GPR158: variants seen among roughly 807,000 people sequenced by gnomAD.
GPR158 encodes metabotropic glycine receptor.
In GPR158, 30 loss-of-function variants were observed where a neutral mutation model predicts 78.2. That is an observed-to-expected ratio of 0.38 (90% CI 0.29 to 0.52). The LOEUF (loss-of-function observed/expected upper bound fraction) is 0.52, where lower values mean the gene tolerates loss of function less well. GPR158 is among the 20% of genes least tolerant of loss of function. The pLI is 0.83. For synonymous variants in GPR158, 581 were observed against 591.1 expected (o/e 0.98, Z 0.25); for missense variants, 1,463 against 1,523.5 (o/e 0.96, Z 0.66).
At chr10:25,465,187 A>AT (rs1835405164) in intron 4 of GPR158, among the ~76,000 whole-genome samples, 1 of 152,144 alleles carries the variant, frequency 6.6e-6, no homozygotes. Context: ...GGCCTTTCAG[A>AT]ATTTTTTTAT....
intron 4 of GPR158, among the ~76,000 whole-genome samples, chr10:25,423,745 T>A (rs972046987): frequency 6.6e-6 from 1 of 152,198 alleles, no homozygotes. Flanking sequence ...TAGTATTCCA[T>A]GGTGTATATG....
chr10:25,587,767 A>G (rs16926158), intron 7 of GPR158, among the ~76,000 whole-genome samples: 9,807 of 152,178 alleles, frequency 0.064, 454 homozygotes, highest in African/African-American at 0.14. Context: ...GTAGCTCCTG[A>G]GACATTTGTT....
At chr10:25,288,529 T>A (rs904971676) in intron 2 of GPR158, among the ~76,000 whole-genome samples, 1 of 152,224 alleles carries the variant, frequency 6.6e-6, no homozygotes, top group Non-Finnish European at 1.5e-5. Context: ...GATTCATTTT[T>A]AAAAAATTTC....
chr10:25,253,248 A>G, intron 2 of GPR158, among the ~76,000 whole-genome samples: 1 of 152,160 alleles, frequency 6.6e-6, no homozygotes, highest in Non-Finnish European at 1.5e-5. Context: ...GGTACCTCAG[A>G]TGGAAATGCA....
At chr10:25,426,576 A>G (rs1017247856) in intron 4 of GPR158, among the ~76,000 whole-genome samples, 2 of 152,040 alleles carry the variant, frequency 1.3e-5, no homozygotes, top group African/African-American at 4.8e-5. Context: ...GGATGGGGAG[A>G]GGTACAGGAG....
chr10:25,444,712 T>C (rs1348961565), intron 4 of GPR158, among the ~76,000 whole-genome samples: 1 of 152,042 alleles, frequency 6.6e-6, no homozygotes, highest in African/African-American at 2.4e-5. Flanking sequence ...CAGTGGGGAA[T>C]AATGTCACTA....
At chr10:25,272,426 C>T (rs905138598) in intron 2 of GPR158, among the ~76,000 whole-genome samples, 3 of 152,032 alleles carry the variant, frequency 2.0e-5, no homozygotes, top group East Asian at 1.9e-4. Flanking sequence ...CCTTTATTTT[C>T]TATCTCCTCT....
chr10:25,447,517 G>C (rs1050087380), intron 4 of GPR158, among the ~76,000 whole-genome samples: 6 of 152,152 alleles, frequency 3.9e-5, no homozygotes, highest in Non-Finnish European at 7.3e-5. Context: ...TCCTTGCAGG[G>C]CTTTCTTTCA....
At chr10:25,457,660 AGG>A (rs1018845852) in intron 4 of GPR158, among the ~76,000 whole-genome samples, 4 of 152,292 alleles carry the variant, frequency 2.6e-5, no homozygotes, top group Admixed American at 1.3e-4. Context: ...TAGCCAGAAA[AGG>A]GGTCTGAAAG....
At chr10:25,510,970 A>G (rs1224872918) in intron 5 of GPR158, among the ~76,000 whole-genome samples, 1 of 152,182 alleles carries the variant, frequency 6.6e-6, no homozygotes, top group Non-Finnish European at 1.5e-5. Flanking sequence ...GGCAGGTTCC[A>G]TATTTTTGCA....
At chr10:25,291,078 C>A (rs1176222796) in intron 2 of GPR158, among the ~76,000 whole-genome samples, 1 of 151,946 alleles carries the variant, frequency 6.6e-6, no homozygotes, top group Admixed American at 6.6e-5. Flanking sequence ...TCATAATACG[C>A]ATTTCTATAT....
At chr10:25,334,265 A>G (rs1034630273) in intron 2 of GPR158, among the ~76,000 whole-genome samples, 1 of 152,140 alleles carries the variant, frequency 6.6e-6, no homozygotes, top group African/African-American at 2.4e-5. Flanking sequence ...TAAACTATTC[A>G]CTTTGTAGCT....
chr10:25,431,483 A>G (rs1328633413), intron 4 of GPR158, among the ~76,000 whole-genome samples: 2 of 141,144 alleles, frequency 1.4e-5, no homozygotes, highest in Middle Eastern at 3.5e-3. Context: ...TAGAAATACC[A>G]TTTGACCCAG....
intron 5 of GPR158, among the ~76,000 whole-genome samples, chr10:25,491,524 C>G (rs1835808725): frequency 6.6e-6 from 1 of 152,214 alleles, no homozygotes; most frequent in East Asian, 1.9e-4. Context: ...TGAATGTTGA[C>G]TAATAACTAT....
chr10:25,561,632 G>A (rs1431105748), intron 6 of GPR158, among the ~76,000 whole-genome samples: 2 of 152,114 alleles, frequency 1.3e-5, no homozygotes, highest in African/African-American at 4.8e-5. Context: ...ACACCCAATG[G>A]CCATCAAATG....
chr10:25,466,630 G>C, intron 4 of GPR158, 21 bp from the exon 5 acceptor site: 2 of 1,561,764 alleles, frequency 1.3e-6, no homozygotes, highest in Non-Finnish European at 1.8e-6. Flanking sequence ...TAGTAATGAC[G>C]TTTTTATTTT....
chr10:25,521,938 G>C (rs74124055), intron 5 of GPR158, among the ~76,000 whole-genome samples: 8,196 of 152,296 alleles, frequency 0.054, 715 homozygotes, highest in African/African-American at 0.18. Context: ...TTGAGGCACT[G>C]TGGGTGAAAG....
chr10:25,466,617 A>C, intron 4 of GPR158, 34 bp from the exon 5 acceptor site: 2 of 1,432,652 alleles, frequency 1.4e-6, no homozygotes, highest in South Asian at 2.4e-5. Flanking sequence ...TAGAAATGTA[A>C]GTTAGTAATG....
At chr10:25,519,601 TGTAAA>T (rs1836230016) in intron 5 of GPR158, among the ~76,000 whole-genome samples, 1 of 144,064 alleles carries the variant, frequency 6.9e-6, no homozygotes. Flanking sequence ...TTTGCTTGTC[TGTAAA>T]GTATTTTATT....
Sources: allele counts gnomAD v4.1 joint callset (sites outside exome capture counted in the v4.1 genomes callset), GRCh38; gene constraint gnomAD v4.1.1; transcripts MANE v1.5; gene names NCBI Gene and HGNC (gene_info 2026-07-23, HGNC 2026-07-21).